Variants in EIF2AK4 observed in about 807,000 individuals in gnomAD.
EIF2AK4 encodes eukaryotic translation initiation factor 2 alpha kinase 4.
A neutral mutation model predicts 211.1 loss-of-function variants in EIF2AK4; 139 were observed. The observed-to-expected ratio is 0.66, with a 90% CI of 0.57 to 0.76. The LOEUF (loss-of-function observed/expected upper bound fraction) is 0.76. Ranked by LOEUF, EIF2AK4 falls within the 30% of genes least tolerant of loss-of-function variation. The probability of loss-of-function intolerance (pLI) is 0.00; values close to 1 mark genes in which losing one functional copy is unlikely to be tolerated. For missense variants in EIF2AK4, 1,664 were observed against 2,043.8 expected (o/e 0.81, Z 3.58); for synonymous variants, 710 against 751.3 (o/e 0.94, Z 0.90).
At chr15:40,004,437 A>G (rs189930148) in intron 23 of EIF2AK4, among the ~76,000 whole-genome samples, 39 of 152,370 alleles carry the variant, frequency 2.6e-4, no homozygotes, top group Non-Finnish European at 4.4e-4. Context: ...ACATTGAGCT[A>G]GGCACAGTGG....
intron 3 of EIF2AK4, chr15:39,946,689 A>G (rs1278708759): frequency 1.4e-6 from 1 of 699,658 alleles, no homozygotes; most frequent in Non-Finnish European, 2.6e-6. Flanking sequence ...TCTTCCATGA[A>G]AGGAAGAGTC....
At chr15:39,992,092 A>C in intron 16 of EIF2AK4, 83 bp from the exon 17 acceptor site, 1 of 1,219,118 alleles carries the variant, frequency 8.2e-7, no homozygotes, top group African/African-American at 1.5e-5. Context: ...ATATTTCCTC[A>C]GTCTTCATTT....
intron 33 of EIF2AK4, among the ~76,000 whole-genome samples, chr15:40,027,468 T>C (rs2035479030): frequency 6.6e-6 from 1 of 152,236 alleles, no homozygotes; most frequent in Non-Finnish European, 1.5e-5. Flanking sequence ...TTTCAAAATA[T>C]ACATTGGTAG....
intron 30 of EIF2AK4, among the ~76,000 whole-genome samples, 172 bp downstream of exon 30, chr15:40,019,372 T>C (rs564810402): frequency 6.6e-6 from 1 of 152,374 alleles, no homozygotes; most frequent in East Asian, 1.9e-4. Flanking sequence ...TGTCAATCCC[T>C]GCATTTCAGT....
At chr15:40,015,649 T>G (rs1222362863) in intron 27 of EIF2AK4, among the ~76,000 whole-genome samples, 1 of 152,154 alleles carries the variant, frequency 6.6e-6, no homozygotes, top group Non-Finnish European at 1.5e-5. Context: ...GTTTTAACAT[T>G]TTTTGGGTTT....
intron 21 of EIF2AK4, among the ~76,000 whole-genome samples, chr15:40,002,145 T>C (rs1201017264): frequency 1.3e-5 from 2 of 152,252 alleles, no homozygotes; most frequent in Non-Finnish European, 2.9e-5. Context: ...CAATTTTTAC[T>C]GGCTGGCAAT....
At chr15:40,002,112 G>A (rs1028492779) in intron 21 of EIF2AK4, among the ~76,000 whole-genome samples, 1 of 152,176 alleles carries the variant, frequency 6.6e-6, no homozygotes, top group African/African-American at 2.4e-5. Flanking sequence ...TGAAAGATCA[G>A]TATAGATTTT....
At chr15:40,031,508 GCCAC>G (rs149358725) in intron 35 of EIF2AK4, among the ~76,000 whole-genome samples, 2,032 of 152,100 alleles carry the variant, frequency 0.013, 40 homozygotes, top group African/African-American at 0.047. Flanking sequence ...CCTCATTGCT[GCCAC>G]CTCTCCCTTT....
At chr15:39,938,043 T>G (rs1595538822) in intron 1 of EIF2AK4, among the ~76,000 whole-genome samples, 1 of 152,232 alleles carries the variant, frequency 6.6e-6, no homozygotes, top group Admixed American at 6.5e-5. Context: ...CACATTTAAG[T>G]ATATACCCTC....
At chr15:39,939,741 C>A in intron 2 of EIF2AK4, 124 bp downstream of exon 2, 1 of 680,078 alleles carries the variant, frequency 1.5e-6, no homozygotes, top group Non-Finnish European at 2.3e-6. Context: ...TTCATTTCCT[C>A]TATTTCAACA....
intron 7 of EIF2AK4, among the ~76,000 whole-genome samples, chr15:39,965,110 G>A (rs879855436): frequency 6.6e-6 from 1 of 152,082 alleles, no homozygotes; most frequent in Non-Finnish European, 1.5e-5. Flanking sequence ...ATGGCTAGTA[G>A]CATAAAACAC....
chr15:40,030,481 G>C (rs778057612), intron 35 of EIF2AK4, 25 bp downstream of exon 35: 1 of 1,594,888 alleles, frequency 6.3e-7, no homozygotes, highest in East Asian at 2.2e-5. Context: ...GGTTTCTTTG[G>C]CTTTCTAATA....
At chr15:40,027,218 A>T (rs966673027) in intron 33 of EIF2AK4, among the ~76,000 whole-genome samples, 1 of 152,230 alleles carries the variant, frequency 6.6e-6, no homozygotes, top group African/African-American at 2.4e-5. Context: ...ACATTTTTGT[A>T]ATCTATTTTA....
In EIF2AK4 at chr15:40,016,100, G is replaced by A. The variant is rs146260769; in HGVS notation, c.3760-402G>A. On this transcript the variant is annotated intron_variant, in intron 27 of 38. Transcript: ENST00000263791. Reference sequence around the variant, plus strand: ...TCTAGCTAATTCTGTATTAAAACAAGTCAGACTTTGCCTTATTGTCCCCCC... The same window carrying A: ...TCTAGCTAATTCTGTATTAAAACAAATCAGACTTTGCCTTATTGTCCCCCC... Among the ~76,000 whole-genome samples the A allele has an allele frequency of 2.3e-3, 348 of 152,334 alleles. 1 individual carries two copies. Among genetic ancestry groups the A allele is most frequent in the East Asian group, 0.011 (57 of 5,190 alleles).
At chr15:39,943,351 CTTTTTT>C (rs5812147) in intron 2 of EIF2AK4, 26 bp from the exon 3 acceptor site, 1,012 of 861,608 alleles carry the variant, frequency 1.2e-3, no homozygotes, top group East Asian at 1.9e-3. Flanking sequence ...TGGAGTAACT[CTTTTTT>C]TTTTTTTTTT....
intron 7 of EIF2AK4, among the ~76,000 whole-genome samples, chr15:39,962,499 A>G (rs565418026): frequency 2.0e-5 from 3 of 152,286 alleles, no homozygotes; most frequent in Admixed American, 2.0e-4. Context: ...CTCCATCACT[A>G]GGCTGGAGTG....
In EIF2AK4 at chr15:40,001,162, C is replaced by T. The variant is rs760842663; in HGVS notation, c.3097C>T (p.Gln1033Ter). Reference protein sequence around the residue: ...DGKAYRTMMAQIFSQRISPAI... With the variant: ...DGKAYRTMMA ...GAAGGCCTACCGCACCATGATGGCC[C>T]AGATCTTCTCGCAGCGCATCTCCCC... The change falls in exon 21 of 39, where the codon CAG becomes TAG. Residue 1033 changes from glutamine (Q) to a stop codon, truncating the protein, a stop_gained. Transcript: ENST00000263791. LOFTEE classifies it high-confidence loss of function. The T allele has an allele frequency of 2.5e-6, 4 of 1,614,120 alleles. No individual in the cohort carries two copies. The South Asian group carries it at 4.4e-5, about 18-fold the overall frequency.
intron 21 of EIF2AK4, 70 bp from the exon 22 acceptor site, chr15:40,002,643 A>G: frequency 6.5e-7 from 1 of 1,539,784 alleles, no homozygotes; most frequent in Non-Finnish European, 9.0e-7. Flanking sequence ...ACTGCAAGCC[A>G]CAGATTAATA....
chr15:39,948,955 A>G (rs1452303273), intron 3 of EIF2AK4, among the ~76,000 whole-genome samples, 161 bp from the exon 4 acceptor site: 1 of 152,158 alleles, frequency 6.6e-6, no homozygotes, highest in African/African-American at 2.4e-5. Context: ...TCCTGCTGTG[A>G]TTATATCATA....
Sources: allele counts gnomAD v4.1 joint callset (sites outside exome capture counted in the v4.1 genomes callset), GRCh38; gene constraint gnomAD v4.1.1; transcripts MANE v1.5; gene names NCBI Gene and HGNC (gene_info 2026-07-23, HGNC 2026-07-21).